WNK2: variants seen among roughly 807,000 people sequenced by gnomAD.
WNK2 encodes serine/threonine-protein kinase WNK2.
WNK2 carries 67 observed loss-of-function variants against 192.1 expected under a neutral mutation model. That is an observed-to-expected ratio of 0.35 (90% CI 0.29 to 0.43). The LOEUF (loss-of-function observed/expected upper bound fraction) is 0.43. Among genes scored for constraint, WNK2 ranks in the 20% least tolerant of loss-of-function variants. The pLI, the probability that WNK2 is intolerant of heterozygous loss-of-function variation, is 1.00. For missense variants in WNK2, 2,698 were observed against 3,089.7 expected (o/e 0.87, Z 3.01); for synonymous variants, 1,439 against 1,393.9 (o/e 1.03, Z -0.72).
intron 19 of WNK2, among the ~76,000 whole-genome samples, chr9:93,286,799 A>G (rs1458580255): frequency 6.6e-6 from 1 of 152,232 alleles, no homozygotes; most frequent in East Asian, 1.9e-4. Context: ...AAAATGTGAT[A>G]TGTTTGCACA....
chr9:93,251,080 C>T lies in WNK2; in HGVS notation c.1835-1803C>T, dbSNP rs1200551460. ...GGGATTACAGGCATGAGCCACTGTG[C>T]CTGGCCCATATTCACTTTATTTTTA... On this transcript the variant is annotated intron_variant, in intron 8 of 29. Coordinates refer to ENST00000427277, the MANE Select transcript of WNK2 (RefSeq NM_006648.4). 2.0e-5 allele frequency among the ~76,000 whole-genome samples: 3 copies of T among 151,716 alleles called. No homozygotes were observed. In the East Asian group the frequency reaches 5.8e-4, roughly 30 times the overall value.
At chr9:93,252,609 TGGTTGTGGGTA>T (rs1457624841) in intron 8 of WNK2, among the ~76,000 whole-genome samples, 1 of 152,242 alleles carries the variant, frequency 6.6e-6, no homozygotes, top group East Asian at 1.9e-4. Context: ...CACGGCGGGC[TGGTTGTGGGTA>T]CCTGCCTTGT....
rs1021366402 is a variant in WNK2, at chr9:93,294,147, G to C, written c.5708+974G>C. 9.9e-5 allele frequency among the ~76,000 whole-genome samples: 15 copies of C among 152,230 alleles called. 1 individual carries two copies. The highest frequency in any genetic ancestry group is 3.3e-4 in the Admixed American group (5 of 15,290). On this transcript the variant is annotated intron_variant, in intron 23 of 29. Transcript: ENST00000427277. ...CTGTTGGAAATCACAGGCTTATGTG[G>C]GAAGAGCCGTGCACATCTCCTTTCT... is the stretch of plus-strand genomic sequence containing the variant.
At chr9:93,275,677 G>A (rs1846747921) in intron 19 of WNK2, among the ~76,000 whole-genome samples, 1 of 152,210 alleles carries the variant, frequency 6.6e-6, no homozygotes, top group South Asian at 2.1e-4. Flanking sequence ...CTTATTTGCA[G>A]ATAACATGAT....
chr9:93,303,809 A>T (rs145098668), intron 26 of WNK2, among the ~76,000 whole-genome samples: 1 of 152,182 alleles, frequency 6.6e-6, no homozygotes, highest in Admixed American at 6.5e-5. Flanking sequence ...TTCCCAATGC[A>T]TGCTTTGTGG....
In WNK2 at chr9:93,308,494, G is replaced by A. The variant is rs1168931727; in HGVS notation, c.6426G>A (p.Leu2142=). Residue 2142 remains leucine (L), a synonymous_variant, in exon 28 of 30, where the codon CTG becomes CTA. Coordinates refer to ENST00000427277, the MANE Select transcript of WNK2 (RefSeq NM_006648.4). ...WTSKTVGAAQ[L]KPTLNQLKQT... ...GCAAGACGGTGGGGGCCGCGCAGCT[G>A]AAGCCCACGCTCAACCAGCTGAAGC... The A allele has an allele frequency of 6.2e-7, 1 of 1,608,152 alleles. No individual in the cohort carries two copies. The highest frequency in any genetic ancestry group is 1.7e-4 in the Middle Eastern group (1 of 6,052).
At chr9:93,301,590 C>G (rs372567475) in intron 26 of WNK2, among the ~76,000 whole-genome samples, 37 of 152,272 alleles carry the variant, frequency 2.4e-4, no homozygotes, top group Admixed American at 9.1e-4. Flanking sequence ...CCTTCCCCCC[C>G]ACCCCTGCGT....
intron 7 of WNK2, among the ~76,000 whole-genome samples, chr9:93,243,514 G>A (rs1054970940): frequency 4.6e-5 from 7 of 152,154 alleles, no homozygotes; most frequent in Non-Finnish European, 7.3e-5. Flanking sequence ...CACATCACCC[G>A]TGAAATAGAG....
intron 2 of WNK2, among the ~76,000 whole-genome samples, chr9:93,209,638 C>G (rs550244041): frequency 1.2e-4 from 19 of 152,274 alleles, no homozygotes; most frequent in Non-Finnish European, 2.2e-4. Flanking sequence ...GCTCCCAGGG[C>G]TGTGCTTGGG....
intron 8 of WNK2, 130 bp from the exon 9 acceptor site, chr9:93,252,753 T>C (rs748952630): frequency 8.0e-5 from 67 of 842,390 alleles, no homozygotes; most frequent in Admixed American, 1.2e-4. Flanking sequence ...TTAAACAATA[T>C]GTGCGGGTTA....
intron 19 of WNK2, among the ~76,000 whole-genome samples, chr9:93,281,418 G>C (rs1847718343): frequency 6.6e-6 from 1 of 152,160 alleles, no homozygotes; most frequent in Non-Finnish European, 1.5e-5. Context: ...AAATACATTA[G>C]TTAAAATTAA....
intron 2 of WNK2, among the ~76,000 whole-genome samples, chr9:93,221,186 G>T (rs1836818687): frequency 6.6e-6 from 1 of 152,206 alleles, no homozygotes; most frequent in Non-Finnish European, 1.5e-5. Context: ...TTCCTAACAG[G>T]CAGGTGGGTG....
At chr9:93,212,382 G>T (rs532163572) in intron 2 of WNK2, among the ~76,000 whole-genome samples, 6 of 152,234 alleles carry the variant, frequency 3.9e-5, no homozygotes, top group Non-Finnish European at 7.4e-5. Context: ...CAGCAGGACA[G>T]CATCCCAGAG....
In WNK2 at chr9:93,289,320, C is replaced by T. The variant is rs368320959; in HGVS notation, c.4566C>T (p.Thr1522=). Residue 1522 remains threonine, a synonymous_variant, in exon 20 of 30, where the codon ACC becomes ACT. Coordinates refer to ENST00000427277, the MANE Select transcript of WNK2 (RefSeq NM_006648.4). ...SQLPSPPLGP[T]VPPQPPSALE... ...TCCCAAGCCCACCCCTGGGGCCCAC[C>T]GTCCCCCCACAGCCACCCTCGGCCC... The T allele has an allele frequency of 1.9e-5, 31 of 1,600,186 alleles. No homozygotes were observed. The East Asian group carries it at 2.7e-4, about 14-fold the overall frequency.
In WNK2 at chr9:93,299,409, A is replaced by G. The variant is rs1588549676; in HGVS notation, c.6115+148A>G. ...TTCTTTTAAAAAGGATAAAAAAAAA[A>G]AGGTGTAGTCTTTGGATGAAAGGAA... On this transcript the variant is annotated intron_variant, in intron 25 of 29. Coordinates refer to ENST00000427277, the MANE Select transcript of WNK2 (RefSeq NM_006648.4). 7 of 850,480 alleles carry G rather than the reference A, an allele frequency of 8.2e-6. No homozygotes were observed. In the East Asian group the frequency reaches 2.1e-4, roughly 26 times the overall value. The allele number at this position is 850,480 out of a possible 1,614,324, so 52.7% of individuals were successfully genotyped here.
chr9:93,203,589 G>A (rs922897399), intron 2 of WNK2, among the ~76,000 whole-genome samples: 4 of 152,288 alleles, frequency 2.6e-5, no homozygotes, highest in Middle Eastern at 3.4e-3. Flanking sequence ...CACTGCACTC[G>A]GCAGAGGTGA....
intron 5 of WNK2, among the ~76,000 whole-genome samples, chr9:93,236,219 C>T (rs1310191343): frequency 1.3e-5 from 2 of 152,116 alleles, no homozygotes; most frequent in African/African-American, 2.4e-5. Context: ...GATGGGAGGG[C>T]CCCTGGGTTC....
At chr9:93,218,639 A>C (rs946833250) in intron 2 of WNK2, among the ~76,000 whole-genome samples, 1 of 152,164 alleles carries the variant, frequency 6.6e-6, no homozygotes, top group African/African-American at 2.4e-5. Flanking sequence ...GTTCGAGCAG[A>C]CATTTCCCCG....
At chr9:93,287,809 C>G (rs1848673692) in intron 19 of WNK2, among the ~76,000 whole-genome samples, 1 of 152,116 alleles carries the variant, frequency 6.6e-6, no homozygotes, top group Non-Finnish European at 1.5e-5. Context: ...ACCTGTCATC[C>G]CAACACTTTG....
Sources: allele counts gnomAD v4.1 joint callset (sites outside exome capture counted in the v4.1 genomes callset), GRCh38; gene constraint gnomAD v4.1.1; transcripts MANE v1.5; gene names NCBI Gene and HGNC (gene_info 2026-07-23, HGNC 2026-07-21).